ADARB1: variants seen among roughly 807,000 people sequenced by gnomAD.
The protein encoded by ADARB1 is adenosine deaminase RNA specific B1, also known as double-stranded RNA-specific editase 1.
Under a neutral mutation model 52.4 loss-of-function variants are expected in ADARB1, and 10 were observed. The ratio of observed to expected loss-of-function variants is 0.19; its 90% CI spans 0.12 to 0.32. ADARB1 has a LOEUF of 0.32. Among genes scored for constraint, ADARB1 ranks in the 10% least tolerant of loss-of-function variants. The pLI is 1.00. For missense variants in ADARB1, 643 were observed against 922.3 expected (o/e 0.70, Z 3.92); for synonymous variants, 349 against 371.1 (o/e 0.94, Z 0.68).
rs1463382207 is a variant in ADARB1, at chr21:45,109,557, G to T, written c.-219-18845G>T. Among the ~76,000 whole-genome samples, 3 of 152,224 alleles carry T rather than the reference G, an allele frequency of 2.0e-5. No homozygotes were observed. The East Asian group carries it at 5.8e-4, about 29-fold the overall frequency. Reference sequence around the variant, plus strand: ...TGCGTCACCACTTCCTGATGTCAGCGCACGGGGCTCTGCGCCCCCCCAGGA... The same window carrying T: ...TGCGTCACCACTTCCTGATGTCAGCTCACGGGGCTCTGCGCCCCCCCAGGA... On this transcript the variant is annotated intron_variant, in intron 1 of 10. Transcript: ENST00000348831.
chr21:45,086,103 T>C (rs1159646066), intron 1 of ADARB1, among the ~76,000 whole-genome samples: 1 of 152,218 alleles, frequency 6.6e-6, no homozygotes, highest in East Asian at 1.9e-4. Flanking sequence ...CACTGCTTGC[T>C]ATGTGTGAAG....
At position 45,101,822 on chromosome 21, in the gene ADARB1, G is replaced by A. The variant is rs961491014; in HGVS notation, c.-219-26580G>A. 3.9e-5 allele frequency among the ~76,000 whole-genome samples: 6 copies of A among 152,098 alleles called. No individual in the cohort carries two copies. In the East Asian group the frequency reaches 1.2e-3, roughly 29 times the overall value. ...GAGTGCTGCTTAAAATTGTGTAAGG[G>A]GTCAGTAGTTACAGTGGTGGACATA... On this transcript the variant is annotated intron_variant, in intron 1 of 10. Coordinates refer to ENST00000348831, the MANE Select transcript of ADARB1 (RefSeq NM_001112.4).
At chr21:45,184,470 A>G in intron 7 of ADARB1, 2 of 206,744 alleles carry the variant, frequency 9.7e-6, no homozygotes, top group South Asian at 5.1e-5. Context: ...TTTTTTTGAG[A>G]CAGGGTCTCG....
intron 2 of ADARB1, among the ~76,000 whole-genome samples, chr21:45,130,505 C>T (rs978007606): frequency 6.6e-6 from 1 of 152,190 alleles, no homozygotes; most frequent in Non-Finnish European, 1.5e-5. Context: ...CGTGTATTTC[C>T]TTTCTTTCAT....
In ADARB1 at chr21:45,176,225, C is replaced by T. The variant is rs760170426; in HGVS notation, c.524C>T (p.Thr175Met). ...FTSDQADFPDTLFNGFETPDK... is the reference protein window; with the variant it reads ...FTSDQADFPDMLFNGFETPDK... ...TCTGACCAGGCCGACTTCCCTGACA[C>T]GCTCTTCAATGGTTTTGAAACTCCT... Residue 175 changes from threonine (T) to methionine (M), a missense_variant, in exon 4 of 11, where the codon ACG becomes ATG. By Grantham distance (81) the Thr-to-Met change is moderately conservative (BLOSUM62 -1). Transcript: ENST00000348831. The surrounding 1 kb of genome is among the most constrained non-coding windows in gnomAD (Gnocchi z 5.8). 38 of 1,614,106 alleles carry T rather than the reference C, an allele frequency of 2.4e-5. No homozygotes were observed. The South Asian group carries it at 2.4e-4, about 10-fold the overall frequency.
At chr21:45,193,466 C>T (rs146739448) in intron 8 of ADARB1, among the ~76,000 whole-genome samples, 171 of 147,634 alleles carry the variant, frequency 1.2e-3, no homozygotes, top group African/African-American at 4.1e-3. Flanking sequence ...ATGTGTTTGC[C>T]TAAGATCAGG....
At chr21:45,178,845 GT>G (rs1377108177) in intron 4 of ADARB1, among the ~76,000 whole-genome samples, 1 of 152,098 alleles carries the variant, frequency 6.6e-6, no homozygotes, top group Non-Finnish European at 1.5e-5. Flanking sequence ...CCTCAACGGG[GT>G]GCTGAGCCCT....
chr21:45,128,429 A>C lies in ADARB1; in HGVS notation c.-192A>C, dbSNP rs931626232. On this transcript the variant is annotated 5_prime_UTR_variant, in exon 2 of 11. Coordinates refer to ENST00000348831, the MANE Select transcript of ADARB1 (RefSeq NM_001112.4). This position sits in a 1 kb window ranked among gnomAD's most constrained non-coding sequence, Gnocchi z 4.6. ...TGGAGCCTTTCAGGCTGGCATGGAG[A>C]GCTTAAGGGGCAACTGAAGGAGACA... 6.6e-6 allele frequency: 1 copy of C among 152,060 alleles called. No homozygotes were observed. The highest frequency in any genetic ancestry group is 2.1e-4 in the South Asian group (1 of 4,822). 9.4% of individuals were successfully genotyped at this position (152,060 alleles called of 1,614,324 possible). A position where few individuals can be genotyped will look rare whatever the true frequency, so the allele number is the denominator to read the frequency against.
chr21:45,185,030 T>G lies in ADARB1; in HGVS notation c.1504T>G (p.Trp502Gly). ...GCGCTCCAATGCGAGCATCCAAACGTGGGACGGGGTGCTGCAAGGGGAGCG... is the reference window on the plus strand; with the variant it reads ...GCGCTCCAATGCGAGCATCCAAACGGGGGACGGGGTGCTGCAAGGGGAGCG... Reference protein sequence around the residue: ...PVRSNASIQTWDGVLQGERLL... With the variant: ...PVRSNASIQTGDGVLQGERLL... Residue 502 changes from tryptophan (W) to glycine (G), a missense_variant, in exon 8 of 11, where the codon TGG becomes GGG. Transcript: ENST00000348831. 6.2e-7 allele frequency: 1 copy of G among 1,614,140 alleles called. No individual in the cohort carries two copies. Among genetic ancestry groups the G allele is most frequent in the Non-Finnish European group, 8.5e-7 (1 of 1,180,018 alleles).
rs112479946 is a variant in ADARB1, at chr21:45,157,571, C to G, written c.-47-14039C>G. ...CCTGTGATTTTGTTGCTGGATGTCT[C>G]CTTCAGCAGTTCATGTGGCTTTCTA... On this transcript the variant is annotated intron_variant, in intron 2 of 10. Transcript: ENST00000348831. The surrounding 1 kb of genome is among the most constrained non-coding windows in gnomAD (Gnocchi z 4.1). 6.6e-6 allele frequency among the ~76,000 whole-genome samples: 1 copy of G among 152,148 alleles called. No individual in the cohort carries two copies.
intron 2 of ADARB1, among the ~76,000 whole-genome samples, chr21:45,129,883 G>C (rs1170334993): frequency 2.0e-5 from 3 of 152,208 alleles, no homozygotes; most frequent in African/African-American, 7.2e-5. Context: ...GTCTGTAAAT[G>C]TCAGGAATTT....
chr21:45,101,094 C>T (rs2086988266), intron 1 of ADARB1: 1 of 152,532 alleles, frequency 6.6e-6, no homozygotes, highest in Non-Finnish European at 1.5e-5. Context: ...GCGGCGGCCG[C>T]TGCCGGGAGT....
Position 45,158,267 on chromosome 21 carries a change from A to G in ADARB1, c.-47-13343A>G, listed in dbSNP as rs143976977. On this transcript the variant is annotated intron_variant, in intron 2 of 10. Transcript: ENST00000348831. ...GCGGGAGGGGGGAACTCCCTTGTCC[A>G]TTGTTCTCTCAGCCACTGGCCTCAT... Among the ~76,000 whole-genome samples, 499 of 152,146 alleles carry G rather than the reference A, an allele frequency of 3.3e-3. 4 individuals carry two copies. Among genetic ancestry groups the G allele is most frequent in the African/African-American group, 0.011 (454 of 41,522 alleles).
intron 1 of ADARB1, chr21:45,118,466 T>C (rs1194584012): frequency 6.6e-6 from 1 of 152,244 alleles, no homozygotes; most frequent in African/African-American, 2.4e-5. Context: ...ATGCAATTAC[T>C]TTGTTCTCAT....
In ADARB1 at chr21:45,223,634, A is replaced by G; in HGVS notation, c.*1437A>G. On this transcript the variant is annotated 3_prime_UTR_variant, in exon 11 of 11. Transcript: ENST00000348831. ...GTGCAGACCTTACCCCACAGCATAC[A>G]CCTGCCACAGCGAAATCCAGGGTGT... The G allele has an allele frequency of 1.0e-6, 1 of 985,452 alleles. No individual in the cohort carries two copies. Among genetic ancestry groups the G allele is most frequent in the South Asian group, 4.7e-5 (1 of 21,278 alleles). The allele number at this position is 985,452 out of a possible 1,614,324, so 61.0% of individuals were successfully genotyped here. A position where few individuals can be genotyped will look rare whatever the true frequency, so the allele number is the denominator to read the frequency against.
chr21:45,115,048 A>G (rs894192924), intron 1 of ADARB1, among the ~76,000 whole-genome samples: 7 of 152,246 alleles, frequency 4.6e-5, no homozygotes. Flanking sequence ...CAAGTCATGT[A>G]TCCACTCACA....
chr21:45,201,359 C>T (rs566904340), intron 8 of ADARB1, among the ~76,000 whole-genome samples: 2 of 152,300 alleles, frequency 1.3e-5, no homozygotes, highest in Non-Finnish European at 2.9e-5. Flanking sequence ...AATTCTCTTT[C>T]AAAGCATACG....
chr21:45,224,645 G>C lies in ADARB1; in HGVS notation c.*2448G>C. ...TCAGGGAGCCCTGGGCGGGGTGGCT[G>C]TCAGGGGGAACTGGGTTCCGGGAGC... On this transcript the variant is annotated 3_prime_UTR_variant, in exon 11 of 11. Transcript: ENST00000348831. 1 of 916,550 alleles carries C rather than the reference G, an allele frequency of 1.1e-6. No individual in the cohort carries two copies. The highest frequency in any genetic ancestry group is 1.3e-6 in the Non-Finnish European group (1 of 785,278). 56.8% of individuals were successfully genotyped at this position (916,550 alleles called of 1,614,324 possible). A position where few individuals can be genotyped will look rare whatever the true frequency, so the allele number is the denominator to read the frequency against.
chr21:45,149,475 C>G (rs906700704), intron 2 of ADARB1, among the ~76,000 whole-genome samples: 1 of 152,230 alleles, frequency 6.6e-6, no homozygotes, highest in Admixed American at 6.5e-5. Context: ...TAAGTCAAGC[C>G]AGTGCACTAT....
Sources: allele counts gnomAD v4.1 joint callset (sites outside exome capture counted in the v4.1 genomes callset), GRCh38; gene constraint gnomAD v4.1.1; non-coding constraint Gnocchi (gnomAD v3.1); transcripts MANE v1.5; gene names NCBI Gene and HGNC (gene_info 2026-07-23, HGNC 2026-07-21).